The following HIPK3 variants were observed in gnomAD, a reference collection of about 807,000 sequenced individuals.
HIPK3 encodes homeodomain-interacting protein kinase 3.
A neutral mutation model predicts 124.2 loss-of-function variants in HIPK3; 47 were observed. That is an observed-to-expected ratio of 0.38 (90% confidence interval 0.30 to 0.48). The LOEUF is 0.48. Ranked by LOEUF, HIPK3 falls within the 20% of genes least tolerant of loss-of-function variation. The pLI, the probability that HIPK3 is intolerant of heterozygous loss-of-function variation, is 0.98. For missense variants in HIPK3, 1,286 were observed against 1,454.3 expected, an observed-to-expected ratio of 0.88 and a Z score of 1.88; for synonymous variants, 482 against 515.2, an observed-to-expected ratio of 0.94 and a Z score of 0.87.
chr11:33,290,978 A>G (rs1851683411), intron 2 of HIPK3, among the ~76,000 whole-genome samples: 1 of 152,230 alleles, frequency 6.6e-6, no homozygotes, highest in Non-Finnish European at 1.5e-5. Context: ...AGACTAGTGC[A>G]GGCATTTTGG....
intron 1 of HIPK3, among the ~76,000 whole-genome samples, chr11:33,261,997 C>T (rs1850839937): frequency 6.6e-6 from 1 of 152,042 alleles, no homozygotes; most frequent in Non-Finnish European, 1.5e-5. Flanking sequence ...GCTTGTTGGC[C>T]ACACGTATGT....
At chr11:33,333,046 CA>C (rs1853035541) in intron 3 of HIPK3, among the ~76,000 whole-genome samples, 1 of 152,108 alleles carries the variant, frequency 6.6e-6, no homozygotes, top group Non-Finnish European at 1.5e-5. Flanking sequence ...AGCACCAAGC[CA>C]TTCATGAGGT....
intron 2 of HIPK3, among the ~76,000 whole-genome samples, chr11:33,296,346 T>G (rs1399587060): frequency 6.6e-6 from 1 of 152,196 alleles, no homozygotes; most frequent in Non-Finnish European, 1.5e-5. Context: ...GTTCCTTTTA[T>G]TGGAGAATGG....
At chr11:33,319,534 T>TA (rs1487323023) in intron 2 of HIPK3, among the ~76,000 whole-genome samples, 1 of 152,068 alleles carries the variant, frequency 6.6e-6, no homozygotes, top group Non-Finnish European at 1.5e-5. Context: ...GGCACATTGT[T>TA]AAAGCTCAGT....
chr11:33,312,724 A>T (rs761146432), intron 2 of HIPK3, among the ~76,000 whole-genome samples: 1 of 152,188 alleles, frequency 6.6e-6, no homozygotes, highest in East Asian at 1.9e-4. Context: ...TTGTCTTGCC[A>T]CTATCATTTA....
At chr11:33,283,432 A>G (rs1361976083) in intron 1 of HIPK3, among the ~76,000 whole-genome samples, 2 of 152,016 alleles carry the variant, frequency 1.3e-5, no homozygotes, top group East Asian at 1.9e-4. Context: ...TTCAATTTAT[A>G]ATTTTCTCTT....
At chr11:33,318,749 A>G (rs1011890614) in intron 2 of HIPK3, among the ~76,000 whole-genome samples, 3 of 152,218 alleles carry the variant, frequency 2.0e-5, no homozygotes, top group Non-Finnish European at 4.4e-5. Context: ...AACATAACAA[A>G]TGTTTTCTCA....
intron 2 of HIPK3, among the ~76,000 whole-genome samples, chr11:33,322,012 T>G (rs1279990215): frequency 1.3e-5 from 2 of 152,126 alleles, no homozygotes; most frequent in Non-Finnish European, 2.9e-5. Context: ...TATTATTATT[T>G]TTTGAGACAC....
intron 1 of HIPK3, among the ~76,000 whole-genome samples, chr11:33,266,058 CAAAAAAAAAA>C (rs541701602): frequency 4.0e-5 from 2 of 49,646 alleles, no homozygotes; most frequent in Admixed American, 2.5e-4. Context: ...GACTCCATCT[CAAAAAAAAAA>C]AAAAAAAAGA....
At chr11:33,338,640 G>T in intron 4 of HIPK3, 117 bp from the exon 5 acceptor site, 1 of 518,994 alleles carries the variant, frequency 1.9e-6, no homozygotes, top group Non-Finnish European at 3.2e-6. Context: ...ATTTTTGATA[G>T]TGTCTCTTTT....
rs1210653551 is a variant in HIPK3 at position 33,349,258 on chromosome 11, C to T, written c.2778C>T (p.Ser926=). Residue 926 remains serine (S), a synonymous_variant, in exon 14 of 17, where the codon TCC becomes TCT. Transcript: ENST00000303296. The stretch of plus-strand genomic sequence containing the variant: ...TGAGTACCAGCTCCTCAGGGCAGTC[C>T]AGCCCATCCCCCTGCAAGAGACCGA... ...STLSTSSSGQ[S]SPSPCKRPNS... The T allele has an allele frequency of 1.2e-6, 2 of 1,613,702 alleles. No homozygotes were observed. Among genetic ancestry groups the T allele is most frequent in the African/African-American group, 1.3e-5 (1 of 75,014 alleles).
At position 33,355,814 on chromosome 11, in the gene HIPK3, G is replaced by A. The variant is rs1310803703; in HGVS notation, c.*2246G>A. Reference sequence around the variant, plus strand: ...CAGTGTTTTTAGTAATTAATTCTATGCATTTTATACAAATAGAAATATATA... The same window carrying A: ...CAGTGTTTTTAGTAATTAATTCTATACATTTTATACAAATAGAAATATATA... On this transcript the variant is annotated 3_prime_UTR_variant, in exon 17 of 17. Coordinates refer to ENST00000303296, the MANE Select transcript of HIPK3 (RefSeq NM_005734.5). 2 of 151,612 alleles carry A rather than the reference G, an allele frequency of 1.3e-5. No homozygotes were observed. Among genetic ancestry groups the A allele is most frequent in the Admixed American group, 6.6e-5 (1 of 15,228 alleles). The allele number at this position is 151,612 out of a possible 1,614,324, so 9.4% of individuals were successfully genotyped here.
At position 33,295,438 on chromosome 11, in the gene HIPK3, A is replaced by G. The variant is rs1048186378; in HGVS notation, c.1097+7927A>G. 5.3e-5 allele frequency among the ~76,000 whole-genome samples: 8 copies of G among 152,152 alleles called. No homozygotes were observed. The South Asian group carries it at 6.2e-4, about 12-fold the overall frequency. On this transcript the variant is annotated intron_variant, in intron 2 of 16. Coordinates refer to ENST00000303296, the MANE Select transcript of HIPK3 (RefSeq NM_005734.5). Reference sequence around the variant, plus strand: ...CTCTGTGTTGAATATTGGTTGTGTGATTGGTTGGCTGTGGAGGCCTCGCAA... The same window carrying G: ...CTCTGTGTTGAATATTGGTTGTGTGGTTGGTTGGCTGTGGAGGCCTCGCAA...
In HIPK3 at chr11:33,355,745, T is replaced by C. The variant is rs1853799304; in HGVS notation, c.*2177T>C. Reference sequence around the variant, plus strand: ...TAAAGTAAAAACCAGCAGTACATTTTTAGTCACACTGAAAATGAAGGACTT... The same window carrying C: ...TAAAGTAAAAACCAGCAGTACATTTCTAGTCACACTGAAAATGAAGGACTT... On this transcript the variant is annotated 3_prime_UTR_variant, in exon 17 of 17. Coordinates refer to ENST00000303296, the MANE Select transcript of HIPK3 (RefSeq NM_005734.5). 1 of 152,002 alleles carries C rather than the reference T, an allele frequency of 6.6e-6. No homozygotes were observed. Among genetic ancestry groups the C allele is most frequent in the East Asian group, 1.9e-4 (1 of 5,198 alleles). The allele number at this position is 152,002 out of a possible 1,614,324, so 9.4% of individuals were successfully genotyped here. A position where few individuals can be genotyped will look rare whatever the true frequency, so the allele number is the denominator to read the frequency against.
chr11:33,355,595 G>A lies in HIPK3; in HGVS notation c.*2027G>A, dbSNP rs541620743. 9 of 152,012 alleles carry A rather than the reference G, an allele frequency of 5.9e-5. No homozygotes were observed. Among genetic ancestry groups the A allele is most frequent in the Admixed American group, 3.9e-4 (6 of 15,266 alleles). 9.4% of individuals were successfully genotyped at this position (152,012 alleles called of 1,614,324 possible). A position where few individuals can be genotyped will look rare whatever the true frequency, so the allele number is the denominator to read the frequency against. On this transcript the variant is annotated 3_prime_UTR_variant, in exon 17 of 17. Transcript: ENST00000303296. ...ACCACTAGTACAGCTCTAGTACAGC[G>A]TTCACAATAAGCTAATAATGGATAA...
At chr11:33,353,023 C>CCTTT (rs1182344368) in intron 16 of HIPK3, 69 bp from the exon 17 acceptor site, 7 of 942,658 alleles carry the variant, frequency 7.4e-6, no homozygotes, top group African/African-American at 1.7e-5. Context: ...TTGTAATTTC[C>CCTTT]CTTTCTTTCT....
chr11:33,278,961 G>A (rs1395434307), intron 1 of HIPK3, among the ~76,000 whole-genome samples: 1 of 152,186 alleles, frequency 6.6e-6, no homozygotes. Context: ...AGTTGAGTAA[G>A]GAGAGTGCAA....
At chr11:33,283,848 T>C (rs1397944413) in intron 1 of HIPK3, among the ~76,000 whole-genome samples, 1 of 151,988 alleles carries the variant, frequency 6.6e-6, no homozygotes, top group Non-Finnish European at 1.5e-5. Context: ...CTGATTTTTG[T>C]ATTTTTAGTA....
At chr11:33,310,432 T>G (rs892153986) in intron 2 of HIPK3, among the ~76,000 whole-genome samples, 2 of 152,100 alleles carry the variant, frequency 1.3e-5, no homozygotes, top group African/African-American at 2.4e-5. Context: ...CTCAGCCTCC[T>G]GAGTAGCTGG....
Sources: gnomAD v4.1 joint callset for allele counts (sites outside exome capture counted in the v4.1 genomes callset) on GRCh38, gnomAD v4.1.1 for gene constraint, MANE v1.5 for transcripts, NCBI Gene and HGNC (gene_info 2026-07-23, HGNC 2026-07-21) for gene names.